Variants in TAF2 observed in about 807,000 individuals in gnomAD.
The protein encoded by TAF2 is transcription initiation factor TFIID subunit 2.
A neutral mutation model predicts 138.5 loss-of-function variants in TAF2; 61 were observed. The observed-to-expected ratio is 0.44, with a 90% CI of 0.36 to 0.54. The LOEUF (loss-of-function observed/expected upper bound fraction) is 0.54. Ranked by LOEUF, TAF2 falls within the 20% of genes least tolerant of loss-of-function variation. The pLI is 0.00. For missense variants in TAF2, 1,090 were observed against 1,427.9 expected (o/e 0.76, Z 3.81); for synonymous variants, 475 against 469.9 (o/e 1.01, Z -0.14).
chr8:119,819,520 G>C lies in TAF2; in HGVS notation c.139-14C>G. ...TTCCACAAATCCCTGTAAAGATAGA[G>C]AATAACAACTTCATTATAAAGACTG... On this transcript the variant is annotated splice_polypyrimidine_tract_variant and intron_variant, in intron 2 of 25. Coordinates refer to ENST00000378164, the MANE Select transcript of TAF2 (RefSeq NM_003184.4). 6.3e-7 allele frequency: 1 copy of C among 1,593,400 alleles called. No homozygotes were observed. Among genetic ancestry groups the C allele is most frequent in the Non-Finnish European group, 8.5e-7 (1 of 1,170,062 alleles).
intron 6 of TAF2, among the ~76,000 whole-genome samples, chr8:119,800,325 G>A (rs1160073228): frequency 6.6e-6 from 1 of 152,140 alleles, no homozygotes; most frequent in Non-Finnish European, 1.5e-5. Context: ...TTTGTATAAG[G>A]TGTAAGGAAG....
intron 25 of TAF2, among the ~76,000 whole-genome samples, chr8:119,740,342 T>G (rs1269283276): frequency 5.9e-5 from 9 of 151,812 alleles, no homozygotes; most frequent in African/African-American, 2.2e-4. Context: ...TTGGCTAGTT[T>G]GGAAAAGTTA....
At chr8:119,746,153 C>A (rs1586302900) in intron 23 of TAF2, among the ~76,000 whole-genome samples, 1 of 152,072 alleles carries the variant, frequency 6.6e-6, no homozygotes, top group East Asian at 1.9e-4. Context: ...GGGTGGATCA[C>A]CTGAGGTCAG....
At chr8:119,759,155 T>C (rs1243055177) in intron 20 of TAF2, among the ~76,000 whole-genome samples, 1 of 152,110 alleles carries the variant, frequency 6.6e-6, no homozygotes, top group African/African-American at 2.4e-5. Context: ...TTTTCTTTCA[T>C]GCCAAAAAAT....
At chr8:119,769,886 T>G (rs1586376494) in intron 18 of TAF2, among the ~76,000 whole-genome samples, 1 of 151,658 alleles carries the variant, frequency 6.6e-6, no homozygotes, top group Admixed American at 6.6e-5. Context: ...GCCCCCCAAG[T>G]AGCTGGGACT....
chr8:119,801,878 A>T lies in TAF2; in HGVS notation c.708T>A (p.Tyr236Ter). The change falls in exon 6 of 26, where the codon TAT becomes TAA. Residue 236 changes from tyrosine to a stop codon, truncating the protein, a stop_gained. Coordinates refer to ENST00000378164, the MANE Select transcript of TAF2 (RefSeq NM_003184.4). LOFTEE classifies it high-confidence loss of function. ...THDMRKKTFH[Y>*]MLTIPTAASN... ...ACGCTGCTGTAGGAATGGTAAGCAT[A>T]TAATGGAAAGTTTTCTTCCTCATAT... 6.2e-7 allele frequency: 1 copy of T among 1,614,220 alleles called. No individual in the cohort carries two copies. The highest frequency in any genetic ancestry group is 8.5e-7 in the Non-Finnish European group (1 of 1,180,040).
chr8:119,804,723 G>A (rs904868123), intron 4 of TAF2, among the ~76,000 whole-genome samples: 2 of 152,118 alleles, frequency 1.3e-5, no homozygotes, highest in Non-Finnish European at 2.9e-5. Flanking sequence ...TTTATCAGCA[G>A]CATGAAAACG....
At chr8:119,823,140 TTAAA>T (rs1381896879) in intron 2 of TAF2, among the ~76,000 whole-genome samples, 1 of 152,260 alleles carries the variant, frequency 6.6e-6, no homozygotes, top group African/African-American at 2.4e-5. Flanking sequence ...ACTCAAGGTT[TTAAA>T]TGCCTTTAGA....
At chr8:119,766,412 G>A (rs1472337569) in intron 18 of TAF2, among the ~76,000 whole-genome samples, 2 of 152,180 alleles carry the variant, frequency 1.3e-5, no homozygotes, top group Admixed American at 1.3e-4. Context: ...CCATGATTGA[G>A]AAAACCTGTT....
intron 22 of TAF2, among the ~76,000 whole-genome samples, chr8:119,751,477 A>G (rs901208672): frequency 7.9e-5 from 12 of 152,220 alleles, no homozygotes; most frequent in Non-Finnish European, 1.5e-5. Context: ...TACATTCATC[A>G]AGAGTTACCT....
chr8:119,741,974 G>A (rs920974477), intron 25 of TAF2, among the ~76,000 whole-genome samples: 2 of 152,122 alleles, frequency 1.3e-5, no homozygotes, highest in African/African-American at 4.8e-5. Context: ...AACAGAATAG[G>A]TAACAAACAC....
chr8:119,756,811 A>G (rs1370208699), intron 21 of TAF2, among the ~76,000 whole-genome samples: 1 of 152,304 alleles, frequency 6.6e-6, no homozygotes, highest in East Asian at 1.9e-4. Context: ...CAATGAAAAC[A>G]AAATTTGGAA....
chr8:119,754,085 G>A (rs1281121425), intron 22 of TAF2, among the ~76,000 whole-genome samples: 5 of 151,928 alleles, frequency 3.3e-5, no homozygotes, highest in Non-Finnish European at 5.9e-5. Flanking sequence ...GTATAAACTG[G>A]TTTTATGTGT....
chr8:119,771,719 T>C (rs1040976231), intron 18 of TAF2, among the ~76,000 whole-genome samples: 7 of 152,078 alleles, frequency 4.6e-5, no homozygotes, highest in Admixed American at 1.3e-4. Context: ...TAAGAAGAGA[T>C]TGACAGCAAT....
chr8:119,815,524 T>C (rs529391979), intron 3 of TAF2, among the ~76,000 whole-genome samples: 5 of 151,990 alleles, frequency 3.3e-5, no homozygotes, highest in African/African-American at 1.2e-4. Context: ...TCCACCCACC[T>C]TGGCCTCCCA....
chr8:119,811,819 A>T (rs1563915037), intron 3 of TAF2, among the ~76,000 whole-genome samples: 1 of 151,576 alleles, frequency 6.6e-6, no homozygotes, highest in African/African-American at 2.4e-5. Flanking sequence ...AAAAAAAAAA[A>T]AAAAAAAAAT....
intron 6 of TAF2, among the ~76,000 whole-genome samples, chr8:119,800,432 T>A (rs1824176029): frequency 6.6e-6 from 1 of 152,232 alleles, no homozygotes; most frequent in Admixed American, 6.5e-5. Context: ...TTTATCAGGT[T>A]TGTCAAAGAT....
At chr8:119,816,728 G>A (rs1329696005) in intron 3 of TAF2, among the ~76,000 whole-genome samples, 2 of 152,034 alleles carry the variant, frequency 1.3e-5, no homozygotes, top group Non-Finnish European at 2.9e-5. Flanking sequence ...TATTTCTTCT[G>A]AATAATTGGT....
intron 2 of TAF2, among the ~76,000 whole-genome samples, chr8:119,831,268 A>C (rs1826429259): frequency 6.6e-6 from 1 of 152,132 alleles, no homozygotes; most frequent in African/African-American, 2.4e-5. Context: ...AAGCAACATC[A>C]CCTAAACCAA....
Sources: allele counts gnomAD v4.1 joint callset (sites outside exome capture counted in the v4.1 genomes callset), GRCh38; gene constraint gnomAD v4.1.1; transcripts MANE v1.5; gene names NCBI Gene and HGNC (gene_info 2026-07-23, HGNC 2026-07-21).